The following ASTN2 variants were observed in gnomAD, a reference collection of about 807,000 sequenced individuals.
The protein encoded by ASTN2 is astrotactin 2, also known as astrotactin-2.
A neutral mutation model predicts 139.8 loss-of-function variants in ASTN2; 54 were observed. That is an observed-to-expected ratio of 0.39 (90% CI 0.31 to 0.48). The LOEUF is 0.48. Ranked by LOEUF, ASTN2 falls within the 20% of genes least tolerant of loss-of-function variation. ASTN2 has a pLI of 0.95. For synonymous variants in ASTN2, 756 were observed against 719.5 expected (o/e 1.05, Z -0.81); for missense variants, 1,565 against 1,725.1 (o/e 0.91, Z 1.64).
At chr9:116,850,477 G>C (rs543624899) in intron 11 of ASTN2, among the ~76,000 whole-genome samples, 1 of 152,268 alleles carries the variant, frequency 6.6e-6, no homozygotes, top group South Asian at 2.1e-4. Context: ...GGTTACTGGA[G>C]TCCTTATTTT....
chr9:117,030,527 T>C (rs1233737095), intron 6 of ASTN2, among the ~76,000 whole-genome samples: 1 of 152,190 alleles, frequency 6.6e-6, no homozygotes, highest in Non-Finnish European at 1.5e-5. Flanking sequence ...GAAGCCAAGC[T>C]AACATCTTAG....
At chr9:116,979,804 C>T (rs958854470) in intron 7 of ASTN2, among the ~76,000 whole-genome samples, 3 of 152,104 alleles carry the variant, frequency 2.0e-5, no homozygotes, top group African/African-American at 7.2e-5. Context: ...GCTGAGGTCC[C>T]TATCTCTCCT....
At chr9:116,764,311 A>G (rs1261636113) in intron 13 of ASTN2, among the ~76,000 whole-genome samples, 2 of 152,200 alleles carry the variant, frequency 1.3e-5, no homozygotes, top group African/African-American at 4.8e-5. Context: ...TGGTTATTGC[A>G]GGAGTATCAA....
At chr9:116,980,548 T>C (rs1014558953) in intron 7 of ASTN2, among the ~76,000 whole-genome samples, 3 of 152,174 alleles carry the variant, frequency 2.0e-5, no homozygotes, top group African/African-American at 7.2e-5. Flanking sequence ...TAGTTTCTCC[T>C]TCTGTAAAAT....
rs71377254 is a variant in ASTN2 at position 116,578,619 on chromosome 9, CGTGTGTGTGT to C, written c.3355+39695_3355+39704del. Among the ~76,000 whole-genome samples the C allele has an allele frequency of 0.012, 1,702 of 137,658 alleles. 58 individuals are homozygous for C. The East Asian group carries it at 0.14, about 11-fold the overall frequency. 90.3% of individuals were successfully genotyped at this position (137,658 alleles called of 152,430 possible). On this transcript the variant is annotated intron_variant, in intron 19 of 22. Coordinates refer to ENST00000313400, the MANE Select transcript of ASTN2 (RefSeq NM_001365068.1). ...TTGAACCCAGGCCGTCTGGCTCCAA[CGTGTGTGTGT>C]GTGTGTGTGTGTGTGTGTGTGTGTG...
At chr9:116,452,487 T>A (rs977932577) in intron 20 of ASTN2, among the ~76,000 whole-genome samples, 2 of 152,222 alleles carry the variant, frequency 1.3e-5, no homozygotes, top group Non-Finnish European at 2.9e-5. Context: ...TGATTATGGA[T>A]GTAAAAGTGC....
intron 19 of ASTN2, among the ~76,000 whole-genome samples, chr9:116,601,924 T>C (rs1020296966): frequency 6.9e-6 from 1 of 144,942 alleles, no homozygotes; most frequent in African/African-American, 2.9e-5. Context: ...AGAGATTAAA[T>C]TGAGAAAAGA....
intron 10 of ASTN2, among the ~76,000 whole-genome samples, chr9:116,872,028 G>A (rs1210392070): frequency 6.6e-6 from 1 of 151,918 alleles, no homozygotes; most frequent in South Asian, 2.1e-4. Context: ...GCAGTGGCGC[G>A]ATCTTGGCTC....
At chr9:117,042,734 T>A (rs1478033378) in intron 5 of ASTN2, among the ~76,000 whole-genome samples, 1 of 152,148 alleles carries the variant, frequency 6.6e-6, no homozygotes, top group African/African-American at 2.4e-5. Flanking sequence ...AAAAAGAATA[T>A]GGACCAGGGG....
intron 1 of ASTN2, among the ~76,000 whole-genome samples, chr9:117,412,841 A>C (rs764558767): frequency 6.6e-6 from 1 of 152,288 alleles, no homozygotes; most frequent in Non-Finnish European, 1.5e-5. Context: ...GCCAGCTGTG[A>C]GCCTGAGGTT....
intron 9 of ASTN2, 65 bp downstream of exon 9, chr9:116,976,049 C>T: frequency 6.7e-7 from 1 of 1,494,142 alleles, no homozygotes; most frequent in Admixed American, 1.7e-5. Context: ...GATCCATGAC[C>T]ACATCTTCCT....
chr9:117,115,024 C>T (rs73657638), intron 4 of ASTN2, among the ~76,000 whole-genome samples: 26,071 of 152,056 alleles, frequency 0.17, 2,552 homozygotes, highest in Non-Finnish European at 0.22. Flanking sequence ...TGAGACACCC[C>T]GAAGCAAGAA....
chr9:117,094,135 T>A (rs60425275), intron 5 of ASTN2, among the ~76,000 whole-genome samples: 451 of 12,648 alleles, frequency 0.036, 5 homozygotes, highest in Middle Eastern at 0.12. Context: ...AGGGAGGGAC[T>A]AAGGGAGGGA....
intron 10 of ASTN2, among the ~76,000 whole-genome samples, chr9:116,886,439 A>T (rs1028749503): frequency 1.3e-5 from 2 of 152,136 alleles, no homozygotes; most frequent in Non-Finnish European, 2.9e-5. Flanking sequence ...CAGTGGTGCG[A>T]TCACACACTG....
intron 1 of ASTN2, among the ~76,000 whole-genome samples, chr9:117,367,534 C>T (rs1267392248): frequency 6.6e-6 from 1 of 152,090 alleles, no homozygotes; most frequent in Non-Finnish European, 1.5e-5. Context: ...GAAGCTTTTG[C>T]AGAAGTCCCT....
At chr9:116,426,203 C>G in intron 22 of ASTN2, 115 bp from the exon 23 acceptor site, 1 of 1,324,750 alleles carries the variant, frequency 7.5e-7, no homozygotes, top group Non-Finnish European at 1.0e-6. Flanking sequence ...TTCCTATCTA[C>G]TCCAGATTGG....
chr9:117,245,367 G>T (rs566161357), intron 2 of ASTN2, among the ~76,000 whole-genome samples: 1 of 152,330 alleles, frequency 6.6e-6, no homozygotes, highest in Non-Finnish European at 1.5e-5. Flanking sequence ...TATTGTGGAT[G>T]CATTTGCAGC....
At chr9:116,492,792 A>G (rs1022368707) in intron 19 of ASTN2, among the ~76,000 whole-genome samples, 1 of 152,172 alleles carries the variant, frequency 6.6e-6, no homozygotes, top group Admixed American at 6.5e-5. Flanking sequence ...AGAAAGACAC[A>G]AAGTCTCCAA....
At position 116,915,319 on chromosome 9, in the gene ASTN2, G is replaced by C. The variant is rs186499738; in HGVS notation, c.1890-51586C>G. The stretch of plus-strand genomic sequence containing the variant: ...TAGCACATCAGCACAAGGTCTCAAA[G>C]TTGACTTTTCACTGTTTACTCCTGA... On this transcript the variant is annotated intron_variant, in intron 10 of 22. Coordinates refer to ENST00000313400, the MANE Select transcript of ASTN2 (RefSeq NM_001365068.1). Among the ~76,000 whole-genome samples the C allele has an allele frequency of 1.8e-3, 281 of 152,324 alleles. 1 individual carries two copies. The highest frequency in any genetic ancestry group is 6.8e-3 in the Middle Eastern group (2 of 294).
Sources: gnomAD v4.1 joint callset for allele counts (sites outside exome capture counted in the v4.1 genomes callset) on GRCh38, gnomAD v4.1.1 for gene constraint, MANE v1.5 for transcripts, NCBI Gene and HGNC (gene_info 2026-07-23, HGNC 2026-07-21) for gene names.